DRC9: variants seen among roughly 807,000 people sequenced by gnomAD.
The protein encoded by DRC9 is dynein regulatory complex protein 9.
chr3:197,900,778 G>A, the DRC9 span, among the ~76,000 whole-genome samples: 19 of 152,372 alleles, frequency 1.2e-4, no homozygotes, highest in South Asian at 3.9e-3. This position sits in a 1 kb window ranked among gnomAD's most constrained non-coding sequence, Gnocchi z 4.7. Flanking sequence ...GCTCTGGGCA[G>A]AGTCATGAGG....
the DRC9 span, chr3:197,943,823 G>A: frequency 1.5e-5 from 25 of 1,614,074 alleles, no homozygotes; most frequent in African/African-American, 2.9e-4. Flanking sequence ...GCATGATGTA[G>A]TTCAGAATAG....
At chr3:197,938,070 C>G in the DRC9 span, among the ~76,000 whole-genome samples, 2 of 152,060 alleles carry the variant, frequency 1.3e-5, no homozygotes, top group South Asian at 4.1e-4. Flanking sequence ...AATCCCAGCA[C>G]TTTGGGAGGC....
the DRC9 span, chr3:197,957,114 T>C: frequency 6.6e-6 from 1 of 152,172 alleles, no homozygotes; most frequent in African/African-American, 2.4e-5. Context: ...CACTGGCTGT[T>C]GTGTTATTTG....
the DRC9 span, among the ~76,000 whole-genome samples, chr3:197,933,271 T>C: frequency 6.6e-6 from 1 of 151,348 alleles, no homozygotes; most frequent in African/African-American, 2.4e-5. Context: ...TGAAACCTCG[T>C]CTCTACTAAA....
At chr3:197,925,007 C>A in the DRC9 span, among the ~76,000 whole-genome samples, 1 of 152,166 alleles carries the variant, frequency 6.6e-6, no homozygotes, top group Non-Finnish European at 1.5e-5. Context: ...GCTCGCAAAT[C>A]CACTTTGTCC....
At chr3:197,942,559 A>G in the DRC9 span, among the ~76,000 whole-genome samples, 7 of 149,338 alleles carry the variant, frequency 4.7e-5, no homozygotes, top group African/African-American at 7.6e-5. Flanking sequence ...AAACAAAATG[A>G]AAAAAAAAGC....
the DRC9 span, among the ~76,000 whole-genome samples, chr3:197,925,862 G>A: frequency 4.6e-5 from 7 of 152,260 alleles, no homozygotes; most frequent in East Asian, 1.4e-3. Flanking sequence ...GGGACTACAG[G>A]CGTGAGCCAC....
the DRC9 span, among the ~76,000 whole-genome samples, chr3:197,930,895 G>A: frequency 4.0e-5 from 6 of 151,830 alleles, no homozygotes; most frequent in Admixed American, 2.6e-4. Flanking sequence ...TTAGCCAGGC[G>A]CAGTGGTGGG....
chr3:197,915,254 A>AG, the DRC9 span, among the ~76,000 whole-genome samples: 1 of 150,468 alleles, frequency 6.6e-6, no homozygotes, highest in Admixed American at 6.6e-5. Flanking sequence ...AAAAAAAAAA[A>AG]GAATAAGTAT....
the DRC9 span, chr3:197,932,026 G>T: frequency 1.4e-6 from 1 of 706,342 alleles, no homozygotes; most frequent in Non-Finnish European, 2.4e-6. Flanking sequence ...TGTCCCAGCA[G>T]AACTAGGAAG....
At chr3:197,930,286 T>C in the DRC9 span, among the ~76,000 whole-genome samples, 1 of 152,100 alleles carries the variant, frequency 6.6e-6, no homozygotes, top group African/African-American at 2.4e-5. Flanking sequence ...AAGTCGAGGC[T>C]GCCATGAGCC....
At chr3:197,942,270 G>A in the DRC9 span, among the ~76,000 whole-genome samples, 5 of 151,586 alleles carry the variant, frequency 3.3e-5, no homozygotes, top group Non-Finnish European at 7.4e-5. Flanking sequence ...AAGAACCCGG[G>A]CTGCTCGGGA....
the DRC9 span, chr3:197,949,532 T>G: frequency 6.6e-6 from 1 of 151,354 alleles, no homozygotes; most frequent in East Asian, 1.9e-4. Flanking sequence ...TTGGGGGAGG[T>G]GGTCTCACTA....
the DRC9 span, among the ~76,000 whole-genome samples, chr3:197,920,417 C>G: frequency 2.5e-4 from 36 of 144,302 alleles, no homozygotes; most frequent in Non-Finnish European, 3.6e-4. Context: ...GAGAACCCCC[C>G]CATCTCAATT....
the DRC9 span, among the ~76,000 whole-genome samples, chr3:197,909,803 A>G: frequency 6.6e-6 from 1 of 151,990 alleles, no homozygotes; most frequent in South Asian, 2.1e-4. Context: ...GACCAGCCTG[A>G]CCAACATGGT....
the DRC9 span, among the ~76,000 whole-genome samples, chr3:197,892,436 C>T: frequency 1.3e-5 from 2 of 152,170 alleles, no homozygotes; most frequent in Non-Finnish European, 1.5e-5. Flanking sequence ...GGCTTATAAG[C>T]GCACCTCTAC....
the DRC9 span, among the ~76,000 whole-genome samples, chr3:197,927,015 G>A: frequency 3.3e-5 from 5 of 152,140 alleles, no homozygotes; most frequent in Admixed American, 1.3e-4. Flanking sequence ...GTCGGACACC[G>A]GAGCCTGTGA....
the DRC9 span, among the ~76,000 whole-genome samples, chr3:197,904,102 ATATATATATTT>A: frequency 2.2e-3 from 136 of 61,716 alleles, 3 homozygotes; most frequent in Admixed American, 5.3e-3. Flanking sequence ...ATATATATAT[ATATATATATTT>A]TTTTTTTTAA....
At chr3:197,903,101 G>A in the DRC9 span, among the ~76,000 whole-genome samples, 1 of 152,140 alleles carries the variant, frequency 6.6e-6, no homozygotes, top group Non-Finnish European at 1.5e-5. Context: ...TTCAATGAAT[G>A]GTGCTGGGAA....
Sources: allele counts gnomAD v4.1 joint callset (sites outside exome capture counted in the v4.1 genomes callset), GRCh38; gene constraint gnomAD v4.1.1; non-coding constraint Gnocchi (gnomAD v3.1); transcripts MANE v1.5; gene names NCBI Gene and HGNC (gene_info 2026-07-23, HGNC 2026-07-21).